The following KIAA1549L variants were observed in gnomAD, a reference collection of about 807,000 sequenced individuals.
KIAA1549L encodes the protein UPF0606 protein KIAA1549L.
KIAA1549L carries 88 observed loss-of-function variants against 160.7 expected under a neutral mutation model. The ratio of observed to expected loss-of-function variants is 0.55; its 90% CI spans 0.46 to 0.65. The LOEUF is 0.65. Ranked by LOEUF, KIAA1549L falls within the 30% of genes least tolerant of loss-of-function variation. KIAA1549L has a pLI of 0.00. For synonymous variants in KIAA1549L, 950 were observed against 976.7 expected, an observed-to-expected ratio of 0.97 and a Z score of 0.51; for missense variants, 2,258 against 2,437.5, an observed-to-expected ratio of 0.93 and a Z score of 1.55.
At position 33,641,598 on chromosome 11, in the gene KIAA1549L, A is replaced by G. The variant is rs1230478018; in HGVS notation, c.5410-4088A>G. Among the ~76,000 whole-genome samples, 78 of 25,394 alleles carry G rather than the reference A, an allele frequency of 3.1e-3. No homozygotes were observed. The East Asian group carries it at 0.16, about 51-fold the overall frequency. The allele number at this position is 25,394 out of a possible 152,430, so 16.7% of individuals were successfully genotyped here. ...TATATATATATATATATATATATAT[A>G]TATATATATATATATATATATATAT... On this transcript the variant is annotated intron_variant, in intron 16 of 20. Coordinates refer to ENST00000658780, the MANE Select transcript of KIAA1549L (RefSeq NM_012194.3).
chr11:33,380,411 G>A (rs185842618), intron 1 of KIAA1549L, among the ~76,000 whole-genome samples: 2 of 152,288 alleles, frequency 1.3e-5, no homozygotes, highest in Admixed American at 6.5e-5. Flanking sequence ...ATATTTGCAT[G>A]TTGATAGAAG....
chr11:33,588,028 C>G (rs1374367779), intron 11 of KIAA1549L, among the ~76,000 whole-genome samples: 1 of 152,206 alleles, frequency 6.6e-6, no homozygotes, highest in African/African-American at 2.4e-5. Flanking sequence ...AATGCTGACT[C>G]CATCACAGCT....
chr11:33,545,333 T>C lies in KIAA1549L; in HGVS notation c.3340T>C (p.Ser1114Pro). ...AAVVTTGKMA[S>P]NLECQMSSKL... ...AGTGGTCACGACTGGCAAAATGGCA[T>C]CCAACCTGGAGTGTCAGATGTCCAG... Residue 1114 changes from serine (S) to proline (P), a missense_variant, in exon 3 of 21, where the codon TCC (serine) becomes CCC (proline). By Grantham distance (74) the Ser-to-Pro change is moderately conservative. This residue lies in a region of KIAA1549L where 1,359 missense variants were observed against 1,546.6 expected (regional missense o/e 0.88). Coordinates refer to ENST00000658780, the MANE Select transcript of KIAA1549L (RefSeq NM_012194.3). 6.2e-7 allele frequency: 1 copy of C among 1,612,830 alleles called. No homozygotes were observed. Among genetic ancestry groups the C allele is most frequent in the Middle Eastern group, 1.7e-4 (1 of 6,048 alleles).
intron 4 of KIAA1549L, among the ~76,000 whole-genome samples, chr11:33,548,132 G>T (rs928563337): frequency 6.6e-6 from 1 of 152,152 alleles, no homozygotes; most frequent in African/African-American, 2.4e-5. Flanking sequence ...CAGGTGGGTG[G>T]CTCACACCTG....
chr11:33,394,407 AAAT>A (rs927198301), intron 1 of KIAA1549L, among the ~76,000 whole-genome samples: 47 of 95,060 alleles, frequency 4.9e-4, no homozygotes, highest in Admixed American at 4.2e-4. Flanking sequence ...ATAAATAAAT[AAAT>A]AAATAAATAA....
In KIAA1549L at chr11:33,436,251, A is replaced by G. The variant is rs187262251; in HGVS notation, c.238+59362A>G. Among the ~76,000 whole-genome samples, 9 of 152,318 alleles carry G rather than the reference A, an allele frequency of 5.9e-5. No individual in the cohort carries two copies. In the East Asian group the frequency reaches 1.7e-3, roughly 29 times the overall value. Reference sequence around the variant, plus strand: ...AATATGCATAATACATATTATATACATAGCATATAATAAGGAACTGGCTCA... The same window carrying G: ...AATATGCATAATACATATTATATACGTAGCATATAATAAGGAACTGGCTCA... On this transcript the variant is annotated intron_variant, in intron 1 of 20. Transcript: ENST00000658780.
chr11:33,493,054 T>C (rs898499437), intron 1 of KIAA1549L, among the ~76,000 whole-genome samples: 9 of 152,144 alleles, frequency 5.9e-5, no homozygotes, highest in African/African-American at 2.2e-4. Context: ...GCACCTCCAC[T>C]TTATGATGGT....
chr11:33,464,515 T>TGTGTGC (rs1554980365), intron 1 of KIAA1549L, among the ~76,000 whole-genome samples: 6 of 129,978 alleles, frequency 4.6e-5, no homozygotes, highest in East Asian at 2.1e-4. Flanking sequence ...TGTGTGTGCG[T>TGTGTGC]GCGCGCATGC....
chr11:33,428,992 G>A (rs937934050), intron 1 of KIAA1549L, among the ~76,000 whole-genome samples: 1 of 151,676 alleles, frequency 6.6e-6, no homozygotes, highest in Non-Finnish European at 1.5e-5. Context: ...TGTTTTTGAG[G>A]CAGAGTTTTG....
Position 33,656,017 on chromosome 11 carries a change from C to T in KIAA1549L, c.5766C>T (p.Tyr1922=). 2.5e-6 allele frequency: 4 copies of T among 1,613,010 alleles called. No individual in the cohort carries two copies. The highest frequency in any genetic ancestry group is 2.2e-5 in the South Asian group (2 of 90,968). Residue 1922 remains tyrosine, a synonymous_variant, in exon 18 of 21, where the codon TAC becomes TAT. Transcript: ENST00000658780. ...ATTGCTTGTCTCTTTCACAGGCTTA[C>T]AGGTTTTCCCAGCTTCCTGAGATGG... ...MYQYSLPRPA[Y]RFSQLPEMVM...
intron 20 of KIAA1549L, among the ~76,000 whole-genome samples, chr11:33,662,783 C>A (rs1257276707): frequency 1.3e-5 from 2 of 152,098 alleles, no homozygotes; most frequent in Admixed American, 6.5e-5. Flanking sequence ...TTTAGCCAGG[C>A]TTATAACTAC....
rs760047508 is a variant in KIAA1549L at position 33,598,774 on chromosome 11, T to TCTAGTTGAAACTTACCGTCTCCC, written c.4752-43_4752-21dup. The TCTAGTTGAAACTTACCGTCTCCC allele has an allele frequency of 5.6e-6, 9 of 1,610,754 alleles. No individual in the cohort carries two copies. In the East Asian group the frequency reaches 2.0e-4, roughly 36 times the overall value. Reference sequence around the variant, plus strand: ...TAAAATAACCTTGAGAGGCGGCTGCTCTAGTTGAAACTTACCGTCTCCCCT... The same window carrying TCTAGTTGAAACTTACCGTCTCCC: ...TAAAATAACCTTGAGAGGCGGCTGCTCTAGTTGAAACTTACCGTCTCCCCTAGTTGAAACTTACCGTCTCCCCT... On this transcript the variant is annotated intron_variant, in intron 12 of 20. Transcript: ENST00000658780.
Position 33,463,214 on chromosome 11 carries a change from C to T in KIAA1549L, c.239-78588C>T, listed in dbSNP as rs189476246. On this transcript the variant is annotated intron_variant, in intron 1 of 20. Transcript: ENST00000658780. ...GTTACTGTGAGAGCTACATGCAGTA[C>T]CATATACACGTCACTTAGCACGTGA... Among the ~76,000 whole-genome samples the T allele has an allele frequency of 7.2e-5, 11 of 152,200 alleles. No homozygotes were observed. The East Asian group carries it at 1.5e-3, about 21-fold the overall frequency.
intron 1 of KIAA1549L, among the ~76,000 whole-genome samples, chr11:33,378,093 G>A (rs1351770396): frequency 6.6e-6 from 1 of 152,206 alleles, no homozygotes. Flanking sequence ...GCAGTTTTTA[G>A]TGATGTGTAT....
At chr11:33,590,083 A>G (rs763841244) in intron 11 of KIAA1549L, among the ~76,000 whole-genome samples, 2 of 152,222 alleles carry the variant, frequency 1.3e-5, no homozygotes, top group Non-Finnish European at 1.5e-5. Context: ...TTGAGCACTT[A>G]CTATTGGCTA....
At chr11:33,469,266 T>A (rs1216790585) in intron 1 of KIAA1549L, among the ~76,000 whole-genome samples, 1 of 152,216 alleles carries the variant, frequency 6.6e-6, no homozygotes, top group Non-Finnish European at 1.5e-5. Flanking sequence ...ACATTTTATA[T>A]TTATGGAATC....
intron 1 of KIAA1549L, among the ~76,000 whole-genome samples, chr11:33,498,033 A>T (rs1052486014): frequency 6.6e-6 from 1 of 152,210 alleles, no homozygotes; most frequent in East Asian, 1.9e-4. Context: ...TCATGCCTGT[A>T]ATACCAGCAC....
chr11:33,568,302 T>C, intron 9 of KIAA1549L, 75 bp downstream of exon 9: 9 of 1,410,830 alleles, frequency 6.4e-6, no homozygotes, highest in Non-Finnish European at 8.7e-6. Flanking sequence ...TGAGACTAAA[T>C]AAGTCAGTGT....
intron 13 of KIAA1549L, among the ~76,000 whole-genome samples, chr11:33,600,915 G>C (rs1850341821): frequency 6.6e-6 from 1 of 152,104 alleles, no homozygotes; most frequent in Admixed American, 6.6e-5. Context: ...ATGAGAGAGT[G>C]GGGCTGGTTC....
Sources: gnomAD v4.1 joint callset for allele counts (sites outside exome capture counted in the v4.1 genomes callset) on GRCh38, gnomAD v4.1.1 for gene constraint, gnomAD v4.1.1 regional missense constraint, MANE v1.5 for transcripts, NCBI Gene and HGNC (gene_info 2026-07-23, HGNC 2026-07-21) for gene names.